Variants in PIP5K1C observed in about 807,000 individuals in gnomAD.
The protein encoded by PIP5K1C is phosphatidylinositol 4-phosphate 5-kinase type-1 gamma.
A neutral mutation model predicts 80.1 loss-of-function variants in PIP5K1C; 45 were observed. That is an observed-to-expected ratio of 0.56 (90% CI 0.44 to 0.72). The LOEUF is 0.72. PIP5K1C is among the 30% of genes least tolerant of loss of function. The pLI is 0.00. For synonymous variants in PIP5K1C, 498 were observed against 420.1 expected (o/e 1.19, Z -2.27); for missense variants, 753 against 954.6 (o/e 0.79, Z 2.78).
intron 1 of PIP5K1C, among the ~76,000 whole-genome samples, chr19:3,687,525 GCACACGCACA>G (rs2035797416): frequency 2.7e-5 from 3 of 110,608 alleles, no homozygotes; most frequent in African/African-American, 4.0e-5. Context: ...ATGCACACAT[GCACACGCACA>G]CACATACATG....
chr19:3,641,574 G>A (rs929384609), intron 15 of PIP5K1C, 131 bp downstream of exon 15: 5 of 722,100 alleles, frequency 6.9e-6, no homozygotes, highest in African/African-American at 1.7e-5. Context: ...ATAAACTTAT[G>A]GGAAAATCCA....
chr19:3,650,086 C>T (rs1456756193), intron 8 of PIP5K1C: 1 of 157,592 alleles, frequency 6.3e-6, no homozygotes, highest in Non-Finnish European at 1.4e-5. Context: ...CACCCCCCCG[C>T]AGCTACACCC....
At position 3,657,266 on chromosome 19, in the gene PIP5K1C, G is replaced by A. The variant is rs562787234; in HGVS notation, c.469-709C>T. ...CTCCTGGACATTAGGCAGAAGGTCC[G>A]TGCAGGTGGAAGTTTTTTTGTGTCA... On this transcript the variant is annotated intron_variant, in intron 5 of 17. Coordinates refer to ENST00000335312, the MANE Select transcript of PIP5K1C (RefSeq NM_012398.3). 1.6e-4 allele frequency among the ~76,000 whole-genome samples: 25 copies of A among 152,312 alleles called. No individual in the cohort carries two copies. In the East Asian group the frequency reaches 4.4e-3, roughly 27 times the overall value.
intron 1 of PIP5K1C, chr19:3,673,614 G>C (rs1031560429): frequency 6.6e-6 from 1 of 152,264 alleles, no homozygotes; most frequent in Non-Finnish European, 1.5e-5. Flanking sequence ...AGCAACCCGG[G>C]TGTGTGAGGA....
chr19:3,669,298 G>C (rs1326446184), intron 1 of PIP5K1C, among the ~76,000 whole-genome samples: 1 of 152,192 alleles, frequency 6.6e-6, no homozygotes, highest in African/African-American at 2.4e-5. Flanking sequence ...CCCTGCTCTG[G>C]GCTGGGCAGC....
chr19:3,645,188 C>T (rs563241700), intron 11 of PIP5K1C, among the ~76,000 whole-genome samples: 6 of 152,340 alleles, frequency 3.9e-5, no homozygotes, highest in African/African-American at 9.6e-5. Flanking sequence ...CTGCAACCCC[C>T]GTGGGTGCGG....
At chr19:3,639,364 TCA>T (rs1462309965) in intron 15 of PIP5K1C, among the ~76,000 whole-genome samples, 1 of 152,162 alleles carries the variant, frequency 6.6e-6, no homozygotes, top group Non-Finnish European at 1.5e-5. Flanking sequence ...CCTCTGAGCC[TCA>T]GTTTCCTCAT....
intron 2 of PIP5K1C, among the ~76,000 whole-genome samples, chr19:3,666,296 G>A (rs143489066): frequency 2.6e-5 from 4 of 152,350 alleles, no homozygotes; most frequent in African/African-American, 7.2e-5. Context: ...GCAGCAGCTC[G>A]GGTGCCCTCA....
intron 2 of PIP5K1C, 107 bp downstream of exon 2, chr19:3,667,215 C>T (rs1292034772): frequency 2.1e-6 from 2 of 939,814 alleles, no homozygotes; most frequent in African/African-American, 3.2e-5. Flanking sequence ...CATTTGGGGC[C>T]CAGAGAGGTG....
intron 16 of PIP5K1C, among the ~76,000 whole-genome samples, chr19:3,634,856 C>T (rs775614126): frequency 6.6e-6 from 1 of 152,266 alleles, no homozygotes; most frequent in Non-Finnish European, 1.5e-5. Flanking sequence ...CCGAGGGCAG[C>T]GCACTCCTGC....
intron 16 of PIP5K1C, chr19:3,636,722 GT>G: frequency 1.5e-5 from 15 of 986,704 alleles, no homozygotes; most frequent in Non-Finnish European, 1.8e-5. Context: ...GCACACAGAG[GT>G]GCTCGGAGAG....
In PIP5K1C at chr19:3,683,813, C is replaced by T. The variant is rs530366990; in HGVS notation, c.95-16460G>A. On this transcript the variant is annotated intron_variant, in intron 1 of 17. Transcript: ENST00000335312. The stretch of plus-strand genomic sequence containing the variant: ...CGTGTCTGGAGAGCTGGGATCAGCC[C>T]GGGCACAGCAGGAACATCCTGTGCA... Among the ~76,000 whole-genome samples, 101 of 152,262 alleles carry T rather than the reference C, an allele frequency of 6.6e-4. 1 individual carries two copies. The highest frequency in any genetic ancestry group is 2.3e-3 in the African/African-American group (94 of 41,540).
intron 1 of PIP5K1C, chr19:3,674,035 G>A (rs1421496337): frequency 1.3e-5 from 2 of 152,242 alleles, no homozygotes; most frequent in Admixed American, 1.3e-4. Flanking sequence ...TGGGCGTGAG[G>A]AAGGCTGGCA....
chr19:3,684,838 G>A (rs2035703574), intron 1 of PIP5K1C, among the ~76,000 whole-genome samples: 1 of 152,174 alleles, frequency 6.6e-6, no homozygotes, highest in Non-Finnish European at 1.5e-5. Context: ...GACCCACCAG[G>A]AGAACTCAAG....
rs545793788 is a variant in PIP5K1C at position 3,686,865 on chromosome 19, A to C, written c.94+13432T>G. The stretch of plus-strand genomic sequence containing the variant: ...ACCTTGGATTAGGCAACAATTTCTT[A>C]AATAAACACCAAAAGCATAAGCAAG... On this transcript the variant is annotated intron_variant, in intron 1 of 17. Coordinates refer to ENST00000335312, the MANE Select transcript of PIP5K1C (RefSeq NM_012398.3). Among the ~76,000 whole-genome samples, 23 of 152,228 alleles carry C rather than the reference A, an allele frequency of 1.5e-4. No individual in the cohort carries two copies. The South Asian group carries it at 4.8e-3, about 32-fold the overall frequency.
intron 15 of PIP5K1C, among the ~76,000 whole-genome samples, chr19:3,641,217 A>G (rs2033947245): frequency 6.6e-6 from 1 of 152,004 alleles, no homozygotes; most frequent in African/African-American, 2.4e-5. Context: ...CCTGTCTCAC[A>G]AAAAAAATTT....
rs1361515623 is a variant in PIP5K1C, at chr19:3,696,921, G to A, written c.94+3376C>T. On this transcript the variant is annotated intron_variant, in intron 1 of 17. Transcript: ENST00000335312. The surrounding 1 kb of genome is among the most constrained non-coding windows in gnomAD (Gnocchi z 4.1). ...CTGGAATGTGGGACAGGGAGCAGAG[G>A]AAGAGCAGGGGCGCCAGGCCTGGCT... is the stretch of plus-strand genomic sequence containing the variant. Among the ~76,000 whole-genome samples, 1 of 152,204 alleles carries A rather than the reference G, an allele frequency of 6.6e-6. No homozygotes were observed. The highest frequency in any genetic ancestry group is 1.5e-5 in the Non-Finnish European group (1 of 68,028).
chr19:3,697,442 G>A (rs1042581717), intron 1 of PIP5K1C, among the ~76,000 whole-genome samples: 1 of 145,426 alleles, frequency 6.9e-6, no homozygotes, highest in Non-Finnish European at 1.5e-5. Context: ...CGAGCTGTAC[G>A]GAGGAGGACC....
chr19:3,693,056 G>C (rs572981070), intron 1 of PIP5K1C, among the ~76,000 whole-genome samples: 3 of 150,810 alleles, frequency 2.0e-5, no homozygotes, highest in African/African-American at 7.3e-5. Context: ...CCACTGCGTT[G>C]CGTGTTTTGC....
Sources: allele counts gnomAD v4.1 joint callset (sites outside exome capture counted in the v4.1 genomes callset), GRCh38; gene constraint gnomAD v4.1.1; non-coding constraint Gnocchi (gnomAD v3.1); transcripts MANE v1.5; gene names NCBI Gene and HGNC (gene_info 2026-07-23, HGNC 2026-07-21).